Variants in MRTFB observed in about 807,000 individuals in gnomAD.
MRTFB encodes myocardin related transcription factor B.
MRTFB carries 29 observed loss-of-function variants against 104.2 expected under a neutral mutation model. The observed-to-expected ratio is 0.28, with a 90% confidence interval of 0.21 to 0.38. The LOEUF (loss-of-function observed/expected upper bound fraction) is 0.38, where lower values mean the gene tolerates loss of function less well. Ranked by LOEUF, MRTFB falls within the 10% of genes least tolerant of loss-of-function variation. The pLI is 1.00. For synonymous variants in MRTFB, 535 were observed against 519.5 expected (o/e 1.03, Z -0.41); for missense variants, 1,270 against 1,341.6 (o/e 0.95, Z 0.83).
intron 12 of MRTFB, chr16:14,248,204 T>C (rs187271404): frequency 6.6e-6 from 1 of 152,464 alleles, no homozygotes; most frequent in African/African-American, 2.4e-5. Flanking sequence ...TCATGCAGTT[T>C]TGGTAAGTTT....
chr16:14,155,653 T>C (rs2038799457), intron 3 of MRTFB, among the ~76,000 whole-genome samples: 1 of 152,196 alleles, frequency 6.6e-6, no homozygotes. Context: ...AGATCTAGGG[T>C]AGCATTCGTG....
chr16:14,258,259 T>C, intron 16 of MRTFB, 98 bp downstream of exon 16: 1 of 878,632 alleles, frequency 1.1e-6, no homozygotes, highest in Non-Finnish European at 1.8e-6. Context: ...CTTTAGATAC[T>C]GAGAAACGTG....
At chr16:14,189,811 G>A (rs1727848104) in intron 3 of MRTFB, among the ~76,000 whole-genome samples, 1 of 152,160 alleles carries the variant, frequency 6.6e-6, no homozygotes, top group Admixed American at 6.5e-5. Flanking sequence ...GGGCTTGGAA[G>A]GCTACTCTGC....
At chr16:14,161,226 A>T (rs2039025927) in intron 3 of MRTFB, among the ~76,000 whole-genome samples, 1 of 151,826 alleles carries the variant, frequency 6.6e-6, no homozygotes, top group Admixed American at 6.6e-5. Context: ...GAACAAAGCC[A>T]GAGGACTTAC....
intron 8 of MRTFB, among the ~76,000 whole-genome samples, chr16:14,227,858 C>A (rs541862557): frequency 6.6e-6 from 1 of 151,238 alleles, no homozygotes; most frequent in African/African-American, 2.4e-5. Context: ...GGACTAATAT[C>A]TAATGTACAA....
At chr16:14,203,498 TG>T (rs1427948631) in intron 3 of MRTFB, among the ~76,000 whole-genome samples, 3 of 152,204 alleles carry the variant, frequency 2.0e-5, no homozygotes, top group African/African-American at 7.2e-5. Flanking sequence ...TACAATGTGT[TG>T]TTTCCTTTAG....
intron 5 of MRTFB, among the ~76,000 whole-genome samples, chr16:14,213,258 T>C (rs1400041390): frequency 6.6e-6 from 1 of 152,228 alleles, no homozygotes; most frequent in African/African-American, 2.4e-5. Flanking sequence ...AAATCCTATG[T>C]TTATTAAAAA....
At chr16:14,072,739 A>G (rs1218944862) in intron 1 of MRTFB, among the ~76,000 whole-genome samples, 1 of 152,196 alleles carries the variant, frequency 6.6e-6, no homozygotes, top group African/African-American at 2.4e-5. Flanking sequence ...AGGTTGGCAT[A>G]ACCTGTTTCT....
rs4780559 is a variant in MRTFB, at chr16:14,260,226, A to G, written c.2765-683A>G. Among the ~76,000 whole-genome samples, 341 of 152,362 alleles carry G rather than the reference A, an allele frequency of 2.2e-3. 4 individuals carry two copies. Among genetic ancestry groups the G allele is most frequent in the Admixed American group, 0.014 (213 of 15,310 alleles). On this transcript the variant is annotated intron_variant, in intron 16 of 16. Coordinates refer to ENST00000571589, the MANE Select transcript of MRTFB (RefSeq NM_001308142.2). ...TAACCAAGTGATCCACCTCACCTTA[A>G]AAGAAAAGGATCAAAGGAACCATAT...
chr16:14,104,332 T>G (rs2035860000), intron 2 of MRTFB, among the ~76,000 whole-genome samples: 1 of 152,202 alleles, frequency 6.6e-6, no homozygotes, highest in Non-Finnish European at 1.5e-5. Context: ...GATAGAGACA[T>G]CAGGGAGCAA....
At chr16:14,230,792 C>G (rs2042223140) in intron 8 of MRTFB, among the ~76,000 whole-genome samples, 2 of 151,996 alleles carry the variant, frequency 1.3e-5, no homozygotes, top group African/African-American at 4.8e-5. Flanking sequence ...GGTATATACC[C>G]AAAGGACTAT....
chr16:14,131,295 C>T (rs1265322403), intron 2 of MRTFB, among the ~76,000 whole-genome samples: 2 of 152,150 alleles, frequency 1.3e-5, no homozygotes, highest in Non-Finnish European at 2.9e-5. Context: ...CAATCACAAT[C>T]TCATACTTAA....
At chr16:14,091,359 ATGC>A (rs1225552005) in intron 2 of MRTFB, among the ~76,000 whole-genome samples, 1 of 152,272 alleles carries the variant, frequency 6.6e-6, no homozygotes, top group East Asian at 1.9e-4. Context: ...AAGGAATGAA[ATGC>A]TGCAGAAACC....
intron 2 of MRTFB, among the ~76,000 whole-genome samples, chr16:14,094,745 G>A (rs1217211351): frequency 6.6e-6 from 1 of 152,212 alleles, no homozygotes; most frequent in African/African-American, 2.4e-5. Flanking sequence ...AATACAGGTA[G>A]AATAGGGGTT....
At chr16:14,016,110 T>A in the MRTFB span, 30 of 397,142 alleles carry the variant, frequency 7.6e-5, no homozygotes, top group Non-Finnish European at 1.1e-4. Flanking sequence ...GAAGTTTGGC[T>A]TGGCTGTGTG....
the MRTFB span, among the ~76,000 whole-genome samples, chr16:14,000,085 T>C: frequency 1.3e-5 from 2 of 151,966 alleles, no homozygotes; most frequent in Admixed American, 6.6e-5. Flanking sequence ...CGTTGCCACA[T>C]TGGGGTGGGG....
At chr16:14,090,881 T>G (rs886626733) in intron 2 of MRTFB, among the ~76,000 whole-genome samples, 20 of 20,320 alleles carry the variant, frequency 9.8e-4, no homozygotes, top group Admixed American at 3.6e-3. Flanking sequence ...TTCAGCATGG[T>G]GTGTGTGTGT....
At position 14,177,234 on chromosome 16, in the gene MRTFB, T is replaced by C. The variant is rs1418788652; in HGVS notation, c.155-33009T>C. On this transcript the variant is annotated intron_variant, in intron 3 of 16. Transcript: ENST00000571589. The surrounding 1 kb of genome is among the most constrained non-coding windows in gnomAD (Gnocchi z 4.7). ...ACAAAGGTGGACTGACTTAAGGAGA[T>C]AGAGGAGAGGCATGGAAGAGGTTTG... Among the ~76,000 whole-genome samples, 1 of 152,162 alleles carries C rather than the reference T, an allele frequency of 6.6e-6. No homozygotes were observed. The highest frequency in any genetic ancestry group is 1.5e-5 in the Non-Finnish European group (1 of 68,036).
At position 14,228,252 on chromosome 16, in the gene MRTFB, A is replaced by C. The variant is rs117836245; in HGVS notation, c.694-5894A>C. On this transcript the variant is annotated intron_variant, in intron 8 of 16. Coordinates refer to ENST00000571589, the MANE Select transcript of MRTFB (RefSeq NM_001308142.2). ...AAAATTAAACTAGAATTGCCAAATG[A>C]ACCAGCAATTCCACTTCTGGGTATA... Among the ~76,000 whole-genome samples, 162 of 152,362 alleles carry C rather than the reference A, an allele frequency of 1.1e-3. 1 individual carries two copies. The highest frequency in any genetic ancestry group is 2.1e-3 in the Non-Finnish European group (141 of 68,038).
Sources: allele counts gnomAD v4.1 joint callset (sites outside exome capture counted in the v4.1 genomes callset), GRCh38; gene constraint gnomAD v4.1.1; non-coding constraint Gnocchi (gnomAD v3.1); transcripts MANE v1.5; gene names NCBI Gene and HGNC (gene_info 2026-07-23, HGNC 2026-07-21).